The following MYO3A variants were observed in gnomAD, a reference collection of about 807,000 sequenced individuals.
MYO3A encodes myosin-IIIa.
Under a neutral mutation model 192.7 loss-of-function variants are expected in MYO3A, and 180 were observed. The ratio of observed to expected loss-of-function variants is 0.93; its 90% confidence interval spans 0.83 to 1.06. The LOEUF (loss-of-function observed/expected upper bound fraction) is 1.06. MYO3A is among the 50% of genes least tolerant of loss of function. The pLI is 0.00. For synonymous variants in MYO3A, 628 were observed against 645.3 expected (o/e 0.97, Z 0.41); for missense variants, 1,896 against 1,905.0 (o/e 1.00, Z 0.09).
intron 4 of MYO3A, among the ~76,000 whole-genome samples, chr10:25,967,550 C>T (rs1298737382): frequency 6.6e-6 from 1 of 152,036 alleles, no homozygotes; most frequent in African/African-American, 2.4e-5. Flanking sequence ...TAAGAATATC[C>T]AGCTCCAATA....
At chr10:26,118,169 G>A (rs1238821742) in intron 17 of MYO3A, among the ~76,000 whole-genome samples, 1 of 150,726 alleles carries the variant, frequency 6.6e-6, no homozygotes, top group Non-Finnish European at 1.5e-5. Context: ...TATATCCTTT[G>A]CCCACTTTTT....
chr10:26,009,023 A>G (rs1564455143), intron 6 of MYO3A, among the ~76,000 whole-genome samples: 1 of 152,034 alleles, frequency 6.6e-6, no homozygotes, highest in Non-Finnish European at 1.5e-5. Flanking sequence ...TGTGACACAT[A>G]TACACCATGG....
chr10:26,018,952 C>T (rs974280366), intron 7 of MYO3A, among the ~76,000 whole-genome samples: 14 of 152,096 alleles, frequency 9.2e-5, no homozygotes, highest in African/African-American at 3.4e-4. Flanking sequence ...ATGAGAAATT[C>T]GTATGAATGC....
At chr10:26,165,452 C>T (rs890966869) in intron 26 of MYO3A, among the ~76,000 whole-genome samples, 5 of 152,208 alleles carry the variant, frequency 3.3e-5, no homozygotes, top group African/African-American at 1.2e-4. Context: ...CCCACTAAGC[C>T]TTGTGATTTA....
At chr10:26,139,119 G>C (rs982209308) in intron 20 of MYO3A, among the ~76,000 whole-genome samples, 1 of 152,160 alleles carries the variant, frequency 6.6e-6, no homozygotes. Context: ...TAAGTATGTA[G>C]TATGTGCTAA....
chr10:26,210,596 G>T (rs1844179213), intron 34 of MYO3A, among the ~76,000 whole-genome samples: 1 of 152,214 alleles, frequency 6.6e-6, no homozygotes. Flanking sequence ...CTGGCAGACA[G>T]ATCCTGTTAT....
chr10:26,156,096 G>C (rs1026869937), intron 25 of MYO3A, among the ~76,000 whole-genome samples: 1 of 152,146 alleles, frequency 6.6e-6, no homozygotes, highest in Non-Finnish European at 1.5e-5. Context: ...TATCACCCCT[G>C]TACCACCAGT....
chr10:26,111,042 C>T (rs1838146905), intron 17 of MYO3A, among the ~76,000 whole-genome samples: 2 of 151,640 alleles, frequency 1.3e-5, no homozygotes, highest in Admixed American at 6.6e-5. Context: ...CTTTTTAAAA[C>T]ATTTTTTGTA....
intron 6 of MYO3A, among the ~76,000 whole-genome samples, chr10:26,002,261 A>G (rs1840876060): frequency 6.6e-6 from 1 of 152,210 alleles, no homozygotes. Flanking sequence ...ACTGTTATAT[A>G]TAAAGTTTCA....
intron 4 of MYO3A, 97 bp downstream of exon 4, chr10:25,955,105 A>T: frequency 2.0e-6 from 3 of 1,488,538 alleles, no homozygotes; most frequent in Non-Finnish European, 2.8e-6. Context: ...TCATAAAAAC[A>T]GTTCTGATAA....
chr10:26,135,471 G>A (rs1261057885), intron 20 of MYO3A, among the ~76,000 whole-genome samples: 1 of 152,034 alleles, frequency 6.6e-6, no homozygotes, highest in African/African-American at 2.4e-5. Flanking sequence ...ACATAAGGCA[G>A]GATAAAAGAA....
chr10:26,200,777 A>G (rs369611188), intron 32 of MYO3A: 6 of 152,444 alleles, frequency 3.9e-5, no homozygotes, highest in African/African-American at 9.6e-5. Context: ...ATGGGCTCCT[A>G]TAGGTTTATG....
At chr10:26,157,284 A>G in intron 25 of MYO3A, 26 bp from the exon 26 acceptor site, 1 of 1,607,132 alleles carries the variant, frequency 6.2e-7, no homozygotes. Context: ...CTACATTGGG[A>G]AATTTATTTT....
chr10:26,170,909 T>C (rs899499576), intron 29 of MYO3A, among the ~76,000 whole-genome samples: 9 of 152,244 alleles, frequency 5.9e-5, no homozygotes, highest in African/African-American at 2.2e-4. Context: ...TATGTCATAA[T>C]CACCAGCTGC....
intron 25 of MYO3A, among the ~76,000 whole-genome samples, chr10:26,156,026 A>G (rs1258987452): frequency 2.0e-5 from 3 of 152,224 alleles, no homozygotes; most frequent in Non-Finnish European, 4.4e-5. Flanking sequence ...ACAGTGTAAC[A>G]CTATGCTTTA....
chr10:25,998,293 T>C (rs903162363), intron 6 of MYO3A, among the ~76,000 whole-genome samples: 8 of 152,220 alleles, frequency 5.3e-5, no homozygotes, highest in African/African-American at 1.9e-4. Flanking sequence ...GGTTAATTTT[T>C]AAAATTTCTT....
Position 26,081,140 on chromosome 10 carries a change from C to G in MYO3A, c.1360-7063C>G, listed in dbSNP as rs904298733. Among the ~76,000 whole-genome samples the G allele has an allele frequency of 8.8e-5, 9 of 101,796 alleles. 1 individual carries two copies. The highest frequency in any genetic ancestry group is 3.5e-4 in the Admixed American group (4 of 11,350). 66.8% of individuals were successfully genotyped at this position (101,796 alleles called of 152,430 possible). On this transcript the variant is annotated intron_variant, in intron 14 of 34. Transcript: ENST00000642920. Reference sequence around the variant, plus strand: ...CCCAAGATTATATGCCCTTCCCCCCCCCCCCGCCCCCGCTACCAGGGTGGG... The same window carrying G: ...CCCAAGATTATATGCCCTTCCCCCCGCCCCCGCCCCCGCTACCAGGGTGGG...
chr10:26,158,257 T>TA (rs1554836265), intron 26 of MYO3A, among the ~76,000 whole-genome samples: 4 of 145,358 alleles, frequency 2.8e-5, no homozygotes, highest in South Asian at 2.3e-4. Flanking sequence ...TTATTTTATT[T>TA]TTTTTTTTTT....
intron 10 of MYO3A, among the ~76,000 whole-genome samples, chr10:26,046,670 ATCCCTGGTT>A (rs1184435625): frequency 6.6e-6 from 1 of 152,246 alleles, no homozygotes; most frequent in African/African-American, 2.4e-5. Context: ...GTTAAAAGCT[ATCCCTGGTT>A]CATTGTTTGT....
Sources: gnomAD v4.1 joint callset for allele counts (sites outside exome capture counted in the v4.1 genomes callset) on GRCh38, gnomAD v4.1.1 for gene constraint, MANE v1.5 for transcripts, NCBI Gene and HGNC (gene_info 2026-07-23, HGNC 2026-07-21) for gene names.